The following URM1 variants were observed in gnomAD, a reference collection of about 807,000 sequenced individuals.
The protein encoded by URM1 is ubiquitin-related modifier 1.
Under a neutral mutation model 17.7 loss-of-function variants are expected in URM1, and 11 were observed. That is an observed-to-expected ratio of 0.62 (90% CI 0.39 to 1.03). The LOEUF (loss-of-function observed/expected upper bound fraction) is 1.03. Ranked by LOEUF, URM1 falls within the 50% of genes least tolerant of loss-of-function variation. The probability of loss-of-function intolerance (pLI) is 0.00; values close to 1 mark genes in which losing one functional copy is unlikely to be tolerated. For synonymous variants in URM1, 48 were observed against 50.6 expected (o/e 0.95, Z 0.22); for missense variants, 128 against 129.2 (o/e 0.99, Z 0.04).
chr9:128,389,171 T>G (rs1833269176), intron 3 of URM1, 90 bp from the exon 4 acceptor site: 3 of 1,515,272 alleles, frequency 2.0e-6, no homozygotes, highest in Admixed American at 4.2e-5. Context: ...CAGCACACTC[T>G]CCTGCAGCCC....
chr9:128,374,259 C>T (rs530189955), intron 1 of URM1, among the ~76,000 whole-genome samples: 11 of 152,164 alleles, frequency 7.2e-5, no homozygotes, highest in Non-Finnish European at 1.2e-4. Context: ...AGTGACAGGT[C>T]ACTCTCTGAG....
intron 1 of URM1, among the ~76,000 whole-genome samples, chr9:128,372,925 A>AG (rs1320095014): frequency 3.3e-5 from 5 of 151,956 alleles, no homozygotes; most frequent in Non-Finnish European, 7.4e-5. Context: ...AAAAAAAAAA[A>AG]GAAGATTTAT....
In URM1 at chr9:128,380,139, A is replaced by C. The variant is rs1433406527; in HGVS notation, c.106+2033A>C. On this transcript the variant is annotated intron_variant, in intron 2 of 4. Transcript: ENST00000372853. ...AAGAAAAAAAAAATACATAAGCAGAATATGTATGGGGAGAAAAAAAGAAAA... is the reference window on the plus strand; with the variant it reads ...AAGAAAAAAAAAATACATAAGCAGACTATGTATGGGGAGAAAAAAAGAAAA... Among the ~76,000 whole-genome samples the C allele has an allele frequency of 2.6e-5, 4 of 152,266 alleles. No homozygotes were observed. The East Asian group carries it at 7.7e-4, about 29-fold the overall frequency.
At chr9:128,383,956 G>A (rs897421549) in intron 2 of URM1, among the ~76,000 whole-genome samples, 2 of 152,152 alleles carry the variant, frequency 1.3e-5, no homozygotes, top group Non-Finnish European at 2.9e-5. Context: ...CAGAGGATGA[G>A]GAATCTGAAG....
intron 3 of URM1, chr9:128,388,865 G>A: frequency 9.9e-7 from 1 of 1,010,406 alleles, no homozygotes; most frequent in Non-Finnish European, 1.2e-6. Context: ...CCCTGGAAAA[G>A]TCCTACTAAT....
intron 1 of URM1, among the ~76,000 whole-genome samples, chr9:128,373,666 T>G (rs529696849): frequency 6.6e-6 from 1 of 152,354 alleles, no homozygotes; most frequent in Non-Finnish European, 1.5e-5. Flanking sequence ...TGTGTCCCTG[T>G]GGTCCATGTT....
chr9:128,371,460 C>T, intron 1 of URM1, 45 bp downstream of exon 1: 3 of 1,598,690 alleles, frequency 1.9e-6, no homozygotes, highest in Non-Finnish European at 2.6e-6. Context: ...TTGAAGTCGT[C>T]GGGCCCAGAA....
chr9:128,381,636 G>A (rs923585766), intron 2 of URM1, among the ~76,000 whole-genome samples: 6 of 152,258 alleles, frequency 3.9e-5, no homozygotes, highest in Non-Finnish European at 5.9e-5. Context: ...ATAGTGAGCC[G>A]AGATCGTGCC....
At chr9:128,378,595 A>T (rs1289273851) in intron 2 of URM1, among the ~76,000 whole-genome samples, 1 of 151,430 alleles carries the variant, frequency 6.6e-6, no homozygotes, top group Non-Finnish European at 1.5e-5. Context: ...TCTTGAACAA[A>T]TATACACTGA....
intron 1 of URM1, among the ~76,000 whole-genome samples, chr9:128,376,800 A>G (rs1415151442): frequency 1.3e-5 from 2 of 152,212 alleles, no homozygotes; most frequent in Admixed American, 1.3e-4. Context: ...CAGTCTGAGC[A>G]ACATGGCGAA....
At chr9:128,377,838 C>T (rs1332268662) in intron 1 of URM1, among the ~76,000 whole-genome samples, 198 bp from the exon 2 acceptor site, 2 of 152,024 alleles carry the variant, frequency 1.3e-5, no homozygotes, top group Admixed American at 6.6e-5. Flanking sequence ...CCAGCATAGG[C>T]GACAGAGTAA....
intron 3 of URM1, chr9:128,388,175 T>TA: frequency 8.1e-7 from 1 of 1,238,034 alleles, no homozygotes; most frequent in Non-Finnish European, 1.0e-6. Flanking sequence ...TTAGGCGACT[T>TA]ACTTCGCTTC....
At chr9:128,385,492 G>A (rs1300874028) in intron 2 of URM1, among the ~76,000 whole-genome samples, 3 of 152,062 alleles carry the variant, frequency 2.0e-5, no homozygotes, top group Non-Finnish European at 4.4e-5. Context: ...GAGGGAGACC[G>A]CCCCTAGTAG....
chr9:128,389,125 G>C, intron 3 of URM1, 136 bp from the exon 4 acceptor site: 1 of 1,467,110 alleles, frequency 6.8e-7, no homozygotes, highest in Non-Finnish European at 9.0e-7. Flanking sequence ...CCCCTTCCTG[G>C]GATATCTTTA....
intron 2 of URM1, 108 bp downstream of exon 2, chr9:128,378,214 C>T: frequency 2.6e-6 from 2 of 755,376 alleles, no homozygotes; most frequent in Non-Finnish European, 4.3e-6. Context: ...GTGTGCTAAG[C>T]TGCCTCTCTA....
chr9:128,387,555 T>G lies in URM1; in HGVS notation c.107-261T>G, dbSNP rs1252573702. Among the ~76,000 whole-genome samples the G allele has an allele frequency of 6.6e-6, 1 of 152,102 alleles. No individual in the cohort carries two copies. Among genetic ancestry groups the G allele is most frequent in the Non-Finnish European group, 1.5e-5 (1 of 68,010 alleles). On this transcript the variant is annotated intron_variant, in intron 2 of 4. Transcript: ENST00000372853. The surrounding 1 kb of genome is among the most constrained non-coding windows in gnomAD (Gnocchi z 4.3). ...CCGTCTGCCTTGAATCCCCCCACTA[T>G]AGGTAAATCCCATTGCCTCTTCTCC...
intron 2 of URM1, among the ~76,000 whole-genome samples, chr9:128,385,492 G>C (rs1300874028): frequency 6.6e-6 from 1 of 152,062 alleles, no homozygotes; most frequent in South Asian, 2.1e-4. Flanking sequence ...GAGGGAGACC[G>C]CCCCTAGTAG....
At chr9:128,377,424 G>A (rs779859902) in intron 1 of URM1, among the ~76,000 whole-genome samples, 53 of 152,264 alleles carry the variant, frequency 3.5e-4, no homozygotes, top group Non-Finnish European at 7.1e-4. Flanking sequence ...TGTAATTCCA[G>A]CACTTTGAGA....
At chr9:128,382,261 G>C (rs893389194) in intron 2 of URM1, among the ~76,000 whole-genome samples, 1 of 152,046 alleles carries the variant, frequency 6.6e-6, no homozygotes, top group African/African-American at 2.4e-5. Flanking sequence ...TGGTAACCTA[G>C]GTTGGTGACC....
Sources: allele counts gnomAD v4.1 joint callset (sites outside exome capture counted in the v4.1 genomes callset), GRCh38; gene constraint gnomAD v4.1.1; non-coding constraint Gnocchi (gnomAD v3.1); transcripts MANE v1.5; gene names NCBI Gene and HGNC (gene_info 2026-07-23, HGNC 2026-07-21).